The following L1CAM variants were observed in gnomAD, a reference collection of about 807,000 sequenced individuals.
L1CAM encodes neural cell adhesion molecule L1.
Under a neutral mutation model 93.0 loss-of-function variants are expected in L1CAM, and 8 were observed. The observed-to-expected ratio is 0.09, with a 90% CI of 0.05 to 0.16. The LOEUF (loss-of-function observed/expected upper bound fraction) is 0.16. Ranked by LOEUF, L1CAM falls within the 10% of genes least tolerant of loss-of-function variation. The probability of loss-of-function intolerance (pLI) is 1.00; values close to 1 mark genes in which losing one functional copy is unlikely to be tolerated. For missense variants in L1CAM, 777 were observed against 1,073.4 expected (o/e 0.72, Z 3.86); for synonymous variants, 453 against 453.0 (o/e 1.00, Z 0.00).
At chrX:153,879,714 A>G (rs2064834365) in intron 1 of L1CAM, among the ~76,000 whole-genome samples, 1 of 108,298 alleles carries the variant, frequency 9.2e-6, no homozygotes, top group African/African-American at 3.4e-5. Context: ...GATGAATGGC[A>G]CACTGCTGGC....
At chrX:153,863,181 G>A (rs1353562682) in intron 28 of L1CAM, among the ~76,000 whole-genome samples, 187 bp downstream of exon 28, 11 of 111,849 alleles carry the variant, frequency 9.8e-5, no homozygotes, top group Admixed American at 3.7e-4. Context: ...AGCAGTGAAG[G>A]TATCTGTGTG....
intron 1 of L1CAM, among the ~76,000 whole-genome samples, chrX:153,883,050 C>T (rs996964781): frequency 3.6e-5 from 4 of 111,886 alleles, no homozygotes; most frequent in Non-Finnish European, 7.5e-5. Flanking sequence ...ACCAGGCACC[C>T]CCCATACAGC....
intron 2 of L1CAM, among the ~76,000 whole-genome samples, chrX:153,874,948 G>A (rs1282171055): frequency 1.8e-5 from 2 of 111,987 alleles, no homozygotes; most frequent in African/African-American, 6.5e-5. Context: ...AATACCTCCC[G>A]ACCTCCACAA....
In L1CAM at chrX:153,862,702, C is replaced by A; in HGVS notation, c.3735G>T (p.Gly1245=). The A allele has an allele frequency of 8.3e-7, 1 of 1,211,801 alleles. No individual in the cohort carries two copies. Among genetic ancestry groups the A allele is most frequent in the Non-Finnish European group, 1.1e-6 (1 of 895,255 alleles). The change falls in exon 29 of 29, where the codon GGG becomes GGT. Residue 1245 remains glycine (G), a synonymous_variant. Transcript: ENST00000370060. ...KEAAGGNDSS[G]ATSPINPAVA... ...CGGCAGGGTTGATGGGGGAAGTGGC[C>A]CCTGAGCTGTCATTGCCCCCTGCCG...
At chrX:153,885,484 G>C in intron 1 of L1CAM, 9 of 849,219 alleles carry the variant, frequency 1.1e-5, no homozygotes, top group Non-Finnish European at 1.4e-5. Flanking sequence ...AGAAGGAGGA[G>C]AACAAAGCCC....
rs782243686 is a variant in L1CAM at position 153,864,725 on chromosome X, G to A, written c.3047-21C>T. The stretch of plus-strand genomic sequence containing the variant: ...GATCCCTGGGGGGATGCAGGGGAAC[G>A]AGGAGAGTGTGGCAGCTGCCAGGAA... On this transcript the variant is annotated intron_variant, in intron 23 of 28. Transcript: ENST00000370060. 12 of 1,210,797 alleles carry A rather than the reference G, an allele frequency of 9.9e-6. No individual in the cohort carries two copies. In the Admixed American group the frequency reaches 1.5e-4, roughly 15 times the overall value.
At chrX:153,885,813 C>T in intron 1 of L1CAM, 5 of 710,886 alleles carry the variant, frequency 7.0e-6, no homozygotes, top group Non-Finnish European at 6.4e-6. Context: ...CCCAGGCCAG[C>T]ATCTGGGGCC....
intron 1 of L1CAM, chrX:153,883,683 C>T: frequency 3.1e-6 from 1 of 319,009 alleles, no homozygotes; most frequent in South Asian, 2.8e-5. Context: ...GCAGGGCCCC[C>T]ACTCATGCCC....
chrX:153,885,442 C>G (rs1390008788), intron 1 of L1CAM: 1 of 967,709 alleles, frequency 1.0e-6, no homozygotes, highest in South Asian at 2.0e-5. Context: ...TTCGGGTGAG[C>G]CCGGAGGAGC....
At chrX:153,871,329 G>A in intron 5 of L1CAM, 150 bp from the exon 6 acceptor site, 1 of 531,729 alleles carries the variant, frequency 1.9e-6, no homozygotes, top group South Asian at 2.9e-5. Flanking sequence ...CAGAAAAGGA[G>A]GCAGACACTC....
At position 153,865,389 on chromosome X, in the gene L1CAM, G is replaced by A; in HGVS notation, c.2659C>T (p.Pro887Ser). Reference sequence around the variant, plus strand: ...ACCTCCAGGTGGTAGGAGCTATAGGGCCGCAAGCCACTGAGGATGACACTG... The same window carrying A: ...ACCTCCAGGTGGTAGGAGCTATAGGACCGCAAGCCACTGAGGATGACACTG... ...TTSVILSGLR[P>S]YSSYHLEVQA... Residue 887 changes from proline (P) to serine (S), a missense_variant, in exon 21 of 29, where the codon CCC (proline) becomes TCC (serine). This residue lies in a region of L1CAM where 574 missense variants were observed against 781.0 expected (regional missense o/e 0.73). Coordinates refer to ENST00000370060, the MANE Select transcript of L1CAM (RefSeq NM_001278116.2). The A allele has an allele frequency of 2.5e-6, 3 of 1,211,291 alleles. No homozygotes were observed. Among genetic ancestry groups the A allele is most frequent in the Non-Finnish European group, 3.4e-6 (3 of 895,254 alleles).
chrX:153,882,703 A>G (rs2064851784), intron 1 of L1CAM, among the ~76,000 whole-genome samples: 1 of 110,659 alleles, frequency 9.0e-6, no homozygotes, highest in Non-Finnish European at 1.9e-5. Context: ...GGCCAAGTGC[A>G]TGGAGCCCAG....
At chrX:153,864,205 C>CCT in intron 25 of L1CAM, 117 bp downstream of exon 25, 1 of 1,013,055 alleles carries the variant, frequency 9.9e-7, no homozygotes. Context: ...GGAGGAGAAG[C>CCT]AGACAGGAGC....
At chrX:153,882,751 C>T (rs2064852110) in intron 1 of L1CAM, among the ~76,000 whole-genome samples, 1 of 111,387 alleles carries the variant, frequency 9.0e-6, no homozygotes, top group Non-Finnish European at 1.9e-5. Flanking sequence ...ACCCCTGGCC[C>T]TCGCAGCTGC....
At position 153,868,680 on chromosome X, in the gene L1CAM, G is replaced by C; in HGVS notation, c.1427C>G (p.Pro476Arg). ...AATGCCCAGGGTCCCATTGGCATAG[G>C]GGAAGAAGCGTTCGTCCTGAAGCAC... ...TTVLQDERFF[P>R]YANGTLGIRD... Residue 476 changes from proline (P) to arginine (R), a missense_variant, in exon 13 of 29, where the codon CCC (proline) becomes CGC (arginine). By Grantham distance (103) the Pro-to-Arg change is moderately radical. Transcript: ENST00000370060. 8.3e-7 allele frequency: 1 copy of C among 1,211,885 alleles called. No homozygotes were observed. The highest frequency in any genetic ancestry group is 1.8e-5 in the South Asian group (1 of 57,018).
chrX:153,866,312 CAAA>C, intron 19 of L1CAM, among the ~76,000 whole-genome samples: 1 of 35,700 alleles, frequency 2.8e-5, no homozygotes, highest in African/African-American at 7.1e-5. Context: ...GACTCCATCT[CAAA>C]AAAAAAAAAA....
Position 153,866,770 on chromosome X carries a change from G to T in L1CAM, c.2310C>A (p.Asp770Glu). ...RGPWQEQIVS[D>E]PFLVVSNTST... ...ACGTGTTGGACACCACCAGGAAGGG[G>T]TCGCTGACAATCTGCTCCTGCCAGG... Residue 770 changes from aspartate (D) to glutamate (E), a missense_variant, in exon 19 of 29, where the codon GAC (aspartate) becomes GAA (glutamate). Physicochemically the swap from Asp to Glu is conservative, Grantham distance 45. Around this residue, in one of 5 missense-constraint regions of L1CAM, gnomAD observed 574 missense variants for 781.0 expected, o/e 0.73. Transcript: ENST00000370060. 1 of 1,211,422 alleles carries T rather than the reference G, an allele frequency of 8.3e-7. No individual in the cohort carries two copies. The highest frequency in any genetic ancestry group is 1.8e-5 in the South Asian group (1 of 56,983).
In L1CAM at chrX:153,865,714, C is replaced by A. The variant is rs149737236; in HGVS notation, c.2537G>T (p.Arg846Leu). Residue 846 changes from arginine to leucine, a missense_variant, in exon 20 of 29, where the codon CGC becomes CTC. Arg to Leu is a moderately radical substitution (Grantham distance 102, BLOSUM62 -2). This residue lies in a region of L1CAM where 574 missense variants were observed against 781.0 expected (regional missense o/e 0.73). Coordinates refer to ENST00000370060, the MANE Select transcript of L1CAM (RefSeq NM_001278116.2). ...VDLAQVKGHL[R>L]GYNVTYWREG... ...GCCTTCAACCCTTACATTGTATCCG[C>A]GGAGGTGGCCCTTGACCTGGGCCAG... 1.7e-4 allele frequency: 199 copies of A among 1,199,816 alleles called. No individual in the cohort carries two copies. The highest frequency in any genetic ancestry group is 2.1e-4 in the Non-Finnish European group (188 of 885,561).
Position 153,862,657 on chromosome X carries a change from A to G in L1CAM, c.*6T>C, listed in dbSNP as rs2148491834. The G allele has an allele frequency of 8.4e-7, 1 of 1,190,766 alleles. No homozygotes were observed. ...AGGGGCACAGCATCTCCTGTCCTGG[A>G]CTCCACTATTCTAGGGCCACGGCAG... On this transcript the variant is annotated 3_prime_UTR_variant, in exon 29 of 29. Coordinates refer to ENST00000370060, the MANE Select transcript of L1CAM (RefSeq NM_001278116.2).
Sources: allele counts gnomAD v4.1 joint callset (sites outside exome capture counted in the v4.1 genomes callset), GRCh38; gene constraint gnomAD v4.1.1; regional missense constraint gnomAD v4.1.1; transcripts MANE v1.5; gene names NCBI Gene and HGNC (gene_info 2026-07-23, HGNC 2026-07-21).